Variants in LHFPL5 observed in about 807,000 individuals in gnomAD.
The protein encoded by LHFPL5 is LHFPL tetraspan subfamily member 5 protein.
A neutral mutation model predicts 18.7 loss-of-function variants in LHFPL5; 12 were observed. The observed-to-expected ratio is 0.64, with a 90% CI of 0.41 to 1.04. The LOEUF (loss-of-function observed/expected upper bound fraction) is 1.04, where lower values mean the gene tolerates loss of function less well. Ranked by LOEUF, LHFPL5 falls within the 50% of genes least tolerant of loss-of-function variation. The probability of loss-of-function intolerance (pLI) is 0.00; values close to 1 mark genes in which losing one functional copy is unlikely to be tolerated. For missense variants in LHFPL5, 259 were observed against 292.1 expected (o/e 0.89, Z 0.83); for synonymous variants, 111 against 120.2 (o/e 0.92, Z 0.50).
chr6:35,820,449 C>T (rs966313762), intron 3 of LHFPL5, among the ~76,000 whole-genome samples: 2 of 151,996 alleles, frequency 1.3e-5, no homozygotes, highest in African/African-American at 4.8e-5. Flanking sequence ...GCCTGTAATC[C>T]CAGCACTTTG....
intron 3 of LHFPL5, 47 bp downstream of exon 3, chr6:35,819,510 G>A: frequency 6.4e-7 from 1 of 1,553,846 alleles, no homozygotes; most frequent in South Asian, 1.1e-5. Flanking sequence ...TAGAAAGGCT[G>A]GGGCTCTCTG....
At chr6:35,808,100 A>T (rs1011306330) in intron 1 of LHFPL5, among the ~76,000 whole-genome samples, 1 of 151,804 alleles carries the variant, frequency 6.6e-6, no homozygotes, top group Non-Finnish European at 1.5e-5. Flanking sequence ...GTATGATAAG[A>T]GAGAGGCCGG....
intron 1 of LHFPL5, among the ~76,000 whole-genome samples, chr6:35,809,764 A>C (rs2151069731): frequency 6.6e-6 from 1 of 152,312 alleles, no homozygotes; most frequent in Admixed American, 6.5e-5. Context: ...TCAGCCTCCC[A>C]AAGTGCTGGG....
At chr6:35,812,572 A>G (rs1768682780) in intron 1 of LHFPL5, among the ~76,000 whole-genome samples, 1 of 152,236 alleles carries the variant, frequency 6.6e-6, no homozygotes. Context: ...GCTGTAAATA[A>G]TAAGTCAAGT....
chr6:35,806,172 C>T, intron 1 of LHFPL5, 90 bp downstream of exon 1: 1 of 1,435,322 alleles, frequency 7.0e-7, no homozygotes, highest in Non-Finnish European at 9.5e-7. Flanking sequence ...GGGCTCTGGG[C>T]CTTAAATTTA....
intron 1 of LHFPL5, among the ~76,000 whole-genome samples, chr6:35,807,154 C>G (rs1371094502): frequency 6.6e-6 from 1 of 152,020 alleles, no homozygotes; most frequent in Non-Finnish European, 1.5e-5. Context: ...AATGTGGGGG[C>G]TGGGCACAGC....
intron 1 of LHFPL5, among the ~76,000 whole-genome samples, chr6:35,811,670 T>C (rs1157297127): frequency 6.6e-6 from 1 of 152,102 alleles, no homozygotes; most frequent in Non-Finnish European, 1.5e-5. Context: ...ATGGAGAGAA[T>C]GCAAAGCCTG....
At chr6:35,813,957 C>T (rs1489932253) in intron 1 of LHFPL5, among the ~76,000 whole-genome samples, 1 of 152,044 alleles carries the variant, frequency 6.6e-6, no homozygotes, top group Non-Finnish European at 1.5e-5. Flanking sequence ...CCACCACTCC[C>T]TGCTAATTTT....
chr6:35,822,723 G>T (rs767525181), intron 3 of LHFPL5, among the ~76,000 whole-genome samples: 1 of 151,522 alleles, frequency 6.6e-6, no homozygotes, highest in African/African-American at 2.4e-5. Flanking sequence ...TCCTGATCTC[G>T]TGATCCGCCC....
At chr6:35,807,511 T>C (rs781186791) in intron 1 of LHFPL5, among the ~76,000 whole-genome samples, 4 of 152,108 alleles carry the variant, frequency 2.6e-5, no homozygotes, top group Non-Finnish European at 2.9e-5. Context: ...GTCGGTGAGA[T>C]GTCCAGGAGT....
intron 2 of LHFPL5, among the ~76,000 whole-genome samples, chr6:35,816,138 T>C (rs1374855985): frequency 7.1e-6 from 1 of 141,276 alleles, no homozygotes; most frequent in African/African-American, 2.7e-5. Context: ...GCCACTGCAG[T>C]CCGCAGTCCG....
At chr6:35,812,636 T>A (rs1397107562) in intron 1 of LHFPL5, among the ~76,000 whole-genome samples, 2 of 152,218 alleles carry the variant, frequency 1.3e-5, no homozygotes, top group East Asian at 3.8e-4. Context: ...GAGTGCCAAG[T>A]CTGTGCCAGG....
At chr6:35,821,110 C>A (rs1484327647) in intron 3 of LHFPL5, among the ~76,000 whole-genome samples, 1 of 152,032 alleles carries the variant, frequency 6.6e-6, no homozygotes, top group East Asian at 1.9e-4. Flanking sequence ...TAGAGACCAG[C>A]CTGGCCAACA....
chr6:35,818,598 C>A (rs1201970160), intron 2 of LHFPL5, among the ~76,000 whole-genome samples: 2 of 151,486 alleles, frequency 1.3e-5, no homozygotes, highest in Admixed American at 1.3e-4. Context: ...CTGGTGTGCA[C>A]CTCAGCCTCC....
intron 3 of LHFPL5, among the ~76,000 whole-genome samples, chr6:35,822,634 A>C (rs1768887007): frequency 6.6e-6 from 1 of 152,082 alleles, no homozygotes; most frequent in Admixed American, 6.6e-5. Flanking sequence ...CAGCCTCCCA[A>C]GTAGCTAGGA....
In LHFPL5 at chr6:35,806,046, GTCTATAAGATC is replaced by G; in HGVS notation, c.378_388del (p.Tyr127CysfsTer20). The G allele has an allele frequency of 6.2e-7, 1 of 1,614,216 alleles. No homozygotes were observed. Among genetic ancestry groups the G allele is most frequent in the Non-Finnish European group, 8.5e-7 (1 of 1,180,048 alleles). The stretch of plus-strand genomic sequence containing the variant: ...GTTCTTCATCTGCAACACGGCCACA[GTCTATAAGATC>G]TGTGCATGGATGCAGCTGGCTGCGG... On this transcript the variant is annotated frameshift_variant, in exon 1 of 4. Coordinates refer to ENST00000360215, the MANE Select transcript of LHFPL5 (RefSeq NM_182548.4). LOFTEE classifies it high-confidence loss of function.
chr6:35,813,009 C>T lies in LHFPL5; in HGVS notation c.413-1537C>T, dbSNP rs192256883. 6.4e-4 allele frequency among the ~76,000 whole-genome samples: 98 copies of T among 151,978 alleles called. 1 individual carries two copies. The highest frequency in any genetic ancestry group is 3.9e-3 in the Admixed American group (59 of 15,270). On this transcript the variant is annotated intron_variant, in intron 1 of 3. Coordinates refer to ENST00000360215, the MANE Select transcript of LHFPL5 (RefSeq NM_182548.4). Reference sequence around the variant, plus strand: ...GGCGGGTGTTGCAGTGAGCCGAGATCGTGCCACTGCACTCCAGCCTGGGCG... The same window carrying T: ...GGCGGGTGTTGCAGTGAGCCGAGATTGTGCCACTGCACTCCAGCCTGGGCG...
At chr6:35,819,587 G>C (rs1768827005) in intron 3 of LHFPL5, 124 bp downstream of exon 3, 2 of 930,648 alleles carry the variant, frequency 2.1e-6, no homozygotes, top group Non-Finnish European at 3.4e-6. Context: ...ATGCTGCTTG[G>C]GGAGAGAGGA....
At chr6:35,820,632 G>A (rs542526994) in intron 3 of LHFPL5, among the ~76,000 whole-genome samples, 4 of 151,960 alleles carry the variant, frequency 2.6e-5, no homozygotes, top group South Asian at 2.1e-4. Context: ...CCCAGGAGGC[G>A]GAGCTTGCAG....
Sources: gnomAD v4.1 joint callset for allele counts (sites outside exome capture counted in the v4.1 genomes callset) on GRCh38, gnomAD v4.1.1 for gene constraint, MANE v1.5 for transcripts, NCBI Gene and HGNC (gene_info 2026-07-23, HGNC 2026-07-21) for gene names.